The following RFFL variants were observed in gnomAD, a reference collection of about 807,000 sequenced individuals.
RFFL encodes the protein ring finger and FYVE like domain containing E3 ubiquitin protein ligase.
A neutral mutation model predicts 40.4 loss-of-function variants in RFFL; 16 were observed. The ratio of observed to expected loss-of-function variants is 0.40; its 90% CI spans 0.27 to 0.60. The LOEUF (loss-of-function observed/expected upper bound fraction) is 0.60, where lower values mean the gene tolerates loss of function less well. RFFL is among the 20% of genes least tolerant of loss of function. The probability of loss-of-function intolerance (pLI) is 0.47; values close to 1 mark genes in which losing one functional copy is unlikely to be tolerated. For missense variants in RFFL, 367 were observed against 451.7 expected (o/e 0.81, Z 1.70); for synonymous variants, 154 against 167.9 (o/e 0.92, Z 0.64).
At chr17:35,045,481 G>A (rs763953903) in intron 1 of RFFL, among the ~76,000 whole-genome samples, 2 of 151,334 alleles carry the variant, frequency 1.3e-5, no homozygotes, top group Admixed American at 6.6e-5. Context: ...TGATTTGCCC[G>A]CCTCAGCCTC....
intron 1 of RFFL, among the ~76,000 whole-genome samples, chr17:35,078,562 A>T (rs2091388576): frequency 6.6e-6 from 1 of 152,226 alleles, no homozygotes; most frequent in African/African-American, 2.4e-5. Context: ...TTGGCCTCCC[A>T]AAGTGCCAGA....
intron 1 of RFFL, among the ~76,000 whole-genome samples, chr17:35,079,931 A>T (rs1019741820): frequency 1.3e-5 from 2 of 152,196 alleles, no homozygotes; most frequent in African/African-American, 4.8e-5. Flanking sequence ...GAGAATCTGG[A>T]AGATTAAGAA....
chr17:35,069,483 G>A, intron 1 of RFFL: 2 of 364,620 alleles, frequency 5.5e-6, no homozygotes, highest in Non-Finnish European at 5.5e-6. Flanking sequence ...TCAAAGTAAT[G>A]GAAGAGGGAG....
In RFFL at chr17:35,085,859, A is replaced by C. The variant is rs73989540; in HGVS notation, c.-9+3246T>G. Among the ~76,000 whole-genome samples, 889 of 152,366 alleles carry C rather than the reference A, an allele frequency of 5.8e-3. 8 individuals carry two copies. The highest frequency in any genetic ancestry group is 0.02 in the African/African-American group (841 of 41,578). Reference sequence around the variant, plus strand: ...TAAAAATGTGGAATATTCACCCTGCATAAGAAAAGTAAAGGAAGAACTTCA... The same window carrying C: ...TAAAAATGTGGAATATTCACCCTGCCTAAGAAAAGTAAAGGAAGAACTTCA... On this transcript the variant is annotated intron_variant, in intron 1 of 6. Transcript: ENST00000315249.
At chr17:35,082,350 G>A (rs2091406694) in intron 1 of RFFL, among the ~76,000 whole-genome samples, 1 of 152,218 alleles carries the variant, frequency 6.6e-6, no homozygotes, top group Non-Finnish European at 1.5e-5. Flanking sequence ...GATGTCAGGT[G>A]CTACTTAATG....
At chr17:35,088,789 C>T (rs2091443601) in intron 1 of RFFL, 1 of 152,282 alleles carries the variant, frequency 6.6e-6, no homozygotes, top group Admixed American at 6.5e-5. Context: ...TCCCCACAAG[C>T]CAACTAGACC....
chr17:35,057,591 T>C (rs964893882), intron 1 of RFFL, among the ~76,000 whole-genome samples: 1 of 150,162 alleles, frequency 6.7e-6, no homozygotes, highest in African/African-American at 2.5e-5. Flanking sequence ...AAAGTGAATA[T>C]CTGGAATCAA....
At chr17:35,074,234 T>C (rs1298383520) in intron 1 of RFFL, 1 of 152,148 alleles carries the variant, frequency 6.6e-6, no homozygotes, top group Non-Finnish European at 1.5e-5. Flanking sequence ...ACACATTGTT[T>C]TCATTTTTTC....
intron 1 of RFFL, among the ~76,000 whole-genome samples, chr17:35,061,353 G>T (rs1305943361): frequency 6.6e-6 from 1 of 152,182 alleles, no homozygotes; most frequent in African/African-American, 2.4e-5. Context: ...TAAGTCTTCA[G>T]TGTGTAAGAT....
chr17:35,065,817 G>A (rs1053718275), upstream of RFFL, among the ~76,000 whole-genome samples: 16 of 152,128 alleles, frequency 1.1e-4, no homozygotes, highest in African/African-American at 3.9e-4. Flanking sequence ...GAAAGGTTGA[G>A]GATTACATTT....
chr17:35,082,037 C>T lies in RFFL; in HGVS notation c.-9+7068G>A, dbSNP rs191805626. Among the ~76,000 whole-genome samples the T allele has an allele frequency of 3.7e-4, 57 of 152,268 alleles. No homozygotes were observed. In the East Asian group the frequency reaches 0.011, roughly 29 times the overall value. On this transcript the variant is annotated intron_variant, in intron 1 of 6. Transcript: ENST00000315249. ...GAAAATAAATATATAAGAAATTAATCTCTAAAATGGCTTTAAATCACTGTG... is the reference window on the plus strand; with the variant it reads ...GAAAATAAATATATAAGAAATTAATTTCTAAAATGGCTTTAAATCACTGTG...
intron 1 of RFFL, chr17:35,069,341 C>T (rs748315711): frequency 2.2e-4 from 99 of 456,636 alleles, no homozygotes; most frequent in Non-Finnish European, 4.1e-4. Context: ...ACACGTGTTT[C>T]ATCTTGAAGG....
In RFFL at chr17:35,014,901, C is replaced by T. The variant is rs572019671; in HGVS notation, c.887-138G>A. On this transcript the variant is annotated intron_variant, in intron 5 of 6. Transcript: ENST00000394597. ...GCTTGCCAAGAGCCTAGATGGACAT[C>T]TGCCCTCTACTCGCTCTACATGCTC... The T allele has an allele frequency of 1.1e-4, 84 of 757,460 alleles. No individual in the cohort carries two copies. The African/African-American group carries it at 1.4e-3, about 13-fold the overall frequency. 46.9% of individuals were successfully genotyped at this position (757,460 alleles called of 1,614,324 possible).
At chr17:35,016,603 A>G (rs1343450678) in intron 4 of RFFL, 23 bp from the exon 5 acceptor site, 2 of 1,593,050 alleles carry the variant, frequency 1.3e-6, no homozygotes, top group South Asian at 1.1e-5. Context: ...AGATGAGATC[A>G]GTGTGCTCAG....
chr17:35,030,848 CT>C (rs35472303), intron 1 of RFFL, among the ~76,000 whole-genome samples: 3,925 of 152,112 alleles, frequency 0.026, 213 homozygotes, highest in African/African-American at 0.088. Flanking sequence ...TCCTGCTCTA[CT>C]TACTTAAGGG....
chr17:35,029,948 T>C (rs531612573), intron 1 of RFFL, among the ~76,000 whole-genome samples: 1 of 151,078 alleles, frequency 6.6e-6, no homozygotes, highest in Admixed American at 6.6e-5. Flanking sequence ...GGTGTTTGGT[T>C]TTTTGTCCTT....
chr17:35,029,246 TCA>T (rs1391659365), intron 1 of RFFL, among the ~76,000 whole-genome samples: 1 of 151,970 alleles, frequency 6.6e-6, no homozygotes, highest in East Asian at 1.9e-4. Flanking sequence ...AAAGAGTTCT[TCA>T]CAGAGTGTGT....
At chr17:35,035,693 G>GTA (rs898532681) in intron 1 of RFFL, among the ~76,000 whole-genome samples, 8 of 148,496 alleles carry the variant, frequency 5.4e-5, no homozygotes, top group East Asian at 1.9e-4. Context: ...ATATATATAT[G>GTA]TATATATATA....
rs1242291277 is a variant in RFFL at position 35,007,582 on chromosome 17, C to G, written c.*4386G>C. 1.3e-5 allele frequency: 2 copies of G among 152,244 alleles called. No homozygotes were observed. The highest frequency in any genetic ancestry group is 2.9e-5 in the Non-Finnish European group (2 of 68,092). 9.4% of individuals were successfully genotyped at this position (152,244 alleles called of 1,614,324 possible). A position where few individuals can be genotyped will look rare whatever the true frequency, so the allele number is the denominator to read the frequency against. ...TCCTTTATGCCCTTTTGGCAAGATT[C>G]CTTTCTCTTCTCAGTCACAGCAGAT... On this transcript the variant is annotated 3_prime_UTR_variant, in exon 7 of 7. Coordinates refer to ENST00000394597, the MANE Select transcript of RFFL (RefSeq NM_001017368.2).
Sources: gnomAD v4.1 joint callset for allele counts (sites outside exome capture counted in the v4.1 genomes callset) on GRCh38, gnomAD v4.1.1 for gene constraint, MANE v1.5 for transcripts, NCBI Gene and HGNC (gene_info 2026-07-23, HGNC 2026-07-21) for gene names.